The following HCRTR2 variants were observed in gnomAD, a reference collection of about 807,000 sequenced individuals.
HCRTR2 encodes hypocretin receptor 2.
A neutral mutation model predicts 49.0 loss-of-function variants in HCRTR2; 22 were observed. The ratio of observed to expected loss-of-function variants is 0.45; its 90% confidence interval spans 0.32 to 0.64. The LOEUF (loss-of-function observed/expected upper bound fraction) is 0.64, where lower values mean the gene tolerates loss of function less well. Ranked by LOEUF, HCRTR2 falls within the 30% of genes least tolerant of loss-of-function variation. The pLI is 0.04. For synonymous variants in HCRTR2, 236 were observed against 205.3 expected (o/e 1.15, Z -1.28); for missense variants, 491 against 559.4 (o/e 0.88, Z 1.23).
At chr6:55,139,490 C>T (rs570620687) in intron 1 of HCRTR2, among the ~76,000 whole-genome samples, 36 of 152,292 alleles carry the variant, frequency 2.4e-4, no homozygotes, top group Middle Eastern at 3.4e-3. Context: ...TTTGATATCA[C>T]TGAGCTTTGT....
chr6:55,180,169 T>C (rs1013034504), intron 1 of HCRTR2, among the ~76,000 whole-genome samples: 2 of 152,212 alleles, frequency 1.3e-5, no homozygotes, highest in African/African-American at 2.4e-5. Flanking sequence ...AATGAGAAGA[T>C]TAATAGGTTT....
rs763383818 is a variant in HCRTR2 at position 55,113,230 on chromosome 6, A to T, written c.-378+6685A>T. On this transcript the variant is annotated intron_variant, in intron 1 of 7. Coordinates refer to the HCRTR2 transcript ENST00000615358. ...AGACATTGGCTTAGGCAAAGACTTC[A>T]TGACCAAGAACCCCAAAGCAAATGC... Among the ~76,000 whole-genome samples the T allele has an allele frequency of 3.2e-4, 48 of 152,204 alleles. 1 individual carries two copies. The highest frequency in any genetic ancestry group is 2.1e-3 in the Admixed American group (32 of 15,260).
chr6:55,181,555 T>C (rs1404265508), intron 1 of HCRTR2, among the ~76,000 whole-genome samples: 2 of 152,228 alleles, frequency 1.3e-5, no homozygotes, highest in Non-Finnish European at 2.9e-5. Context: ...ATTTATATAG[T>C]ATTTTACTCT....
intron 1 of HCRTR2, among the ~76,000 whole-genome samples, chr6:55,241,138 A>C (rs1455294555): frequency 1.1e-5 from 1 of 95,096 alleles, no homozygotes; most frequent in Non-Finnish European, 2.0e-5. Flanking sequence ...CCACCCCACA[A>C]CAGTCCCCAG....
At chr6:55,192,626 C>T (rs550818884) in intron 1 of HCRTR2, among the ~76,000 whole-genome samples, 3 of 152,038 alleles carry the variant, frequency 2.0e-5, no homozygotes, top group Non-Finnish European at 2.9e-5. Flanking sequence ...GCATCTAGAT[C>T]CCAAATTTTT....
intron 1 of HCRTR2, among the ~76,000 whole-genome samples, chr6:55,168,773 G>A (rs1358837034): frequency 6.6e-6 from 1 of 151,858 alleles, no homozygotes; most frequent in Non-Finnish European, 1.5e-5. Flanking sequence ...GTCTCACTAA[G>A]TTGCCCAACC....
chr6:55,130,849 C>T (rs1437005323), intron 1 of HCRTR2, among the ~76,000 whole-genome samples: 1 of 151,806 alleles, frequency 6.6e-6, no homozygotes, highest in Non-Finnish European at 1.5e-5. Context: ...AATATCAGGT[C>T]AATTATTTTC....
intron 1 of HCRTR2, among the ~76,000 whole-genome samples, chr6:55,234,319 A>G (rs1479890268): frequency 1.3e-5 from 2 of 152,168 alleles, no homozygotes; most frequent in East Asian, 1.9e-4. Flanking sequence ...CACCTGACTT[A>G]TAGAAAAAAA....
intron 1 of HCRTR2, among the ~76,000 whole-genome samples, chr6:55,161,976 C>G (rs1764812009): frequency 1.3e-5 from 2 of 152,150 alleles, no homozygotes; most frequent in Admixed American, 1.3e-4. Flanking sequence ...CTCCCTAACT[C>G]ATTTTATGAG....
At chr6:55,132,240 G>C (rs914681840) in intron 1 of HCRTR2, among the ~76,000 whole-genome samples, 6 of 151,884 alleles carry the variant, frequency 4.0e-5, no homozygotes, top group African/African-American at 1.4e-4. Flanking sequence ...AAGTAAATTT[G>C]AGGGCAATCA....
chr6:55,107,123 C>T (rs751044256), intron 1 of HCRTR2, among the ~76,000 whole-genome samples: 5 of 151,914 alleles, frequency 3.3e-5, no homozygotes, highest in East Asian at 1.9e-4. Context: ...TCTTACTTTC[C>T]GTGTAGATGT....
chr6:55,216,908 C>T (rs1346312656), intron 1 of HCRTR2, among the ~76,000 whole-genome samples: 2 of 152,328 alleles, frequency 1.3e-5, no homozygotes, highest in East Asian at 1.9e-4. Context: ...CTTTTAGATA[C>T]ATCCTCTGAA....
At chr6:55,232,216 A>C (rs1483059023) in intron 1 of HCRTR2, among the ~76,000 whole-genome samples, 1 of 152,198 alleles carries the variant, frequency 6.6e-6, no homozygotes, top group African/African-American at 2.4e-5. Flanking sequence ...TTTCATACTC[A>C]TTCACTGGGG....
At chr6:55,120,547 G>A (rs1030481101) in intron 1 of HCRTR2, among the ~76,000 whole-genome samples, 7 of 150,458 alleles carry the variant, frequency 4.7e-5, no homozygotes, top group African/African-American at 1.7e-4. Flanking sequence ...TCATGATTTG[G>A]CTCACTGTTT....
chr6:55,187,015 G>A (rs1765227400), intron 1 of HCRTR2, among the ~76,000 whole-genome samples: 1 of 151,992 alleles, frequency 6.6e-6, no homozygotes, highest in African/African-American at 2.4e-5. Flanking sequence ...TAGAGAATAG[G>A]AGAAACACTA....
intron 1 of HCRTR2, among the ~76,000 whole-genome samples, chr6:55,246,193 A>G (rs1766440274): frequency 6.6e-6 from 1 of 152,102 alleles, no homozygotes; most frequent in Non-Finnish European, 1.5e-5. Flanking sequence ...TGAGAGTTCT[A>G]GCTCCAGAAC....
At chr6:55,226,949 T>C (rs1162001406) in intron 1 of HCRTR2, among the ~76,000 whole-genome samples, 1 of 152,100 alleles carries the variant, frequency 6.6e-6, no homozygotes, top group Non-Finnish European at 1.5e-5. Flanking sequence ...TGAAGGATTC[T>C]TTTCATTAGC....
chr6:55,142,362 A>C (rs1764519200), intron 1 of HCRTR2, among the ~76,000 whole-genome samples: 1 of 29,428 alleles, frequency 3.4e-5, no homozygotes, highest in South Asian at 2.3e-3. Flanking sequence ...ACGCCCTGTT[A>C]ATTTTTTTTT....
At chr6:55,131,471 T>C (rs1764353920) in intron 1 of HCRTR2, among the ~76,000 whole-genome samples, 1 of 151,798 alleles carries the variant, frequency 6.6e-6, no homozygotes, top group Admixed American at 6.6e-5. Flanking sequence ...TTAAAGTTTT[T>C]ACCGTCTCCT....
Sources: allele counts gnomAD v4.1 joint callset (sites outside exome capture counted in the v4.1 genomes callset), GRCh38; gene constraint gnomAD v4.1.1; transcripts MANE v1.5; gene names NCBI Gene and HGNC (gene_info 2026-07-23, HGNC 2026-07-21).